Variants in ANKS1A observed in about 807,000 individuals in gnomAD.
The protein encoded by ANKS1A is ankyrin repeat and sterile alpha motif domain containing 1A.
ANKS1A carries 55 observed loss-of-function variants against 120.3 expected under a neutral mutation model. The observed-to-expected ratio is 0.46, with a 90% CI of 0.37 to 0.57. The LOEUF is 0.57. Ranked by LOEUF, ANKS1A falls within the 20% of genes least tolerant of loss-of-function variation. The probability of loss-of-function intolerance (pLI) is 0.00; values close to 1 mark genes in which losing one functional copy is unlikely to be tolerated. For missense variants in ANKS1A, 1,123 were observed against 1,480.3 expected (o/e 0.76, Z 3.96); for synonymous variants, 590 against 604.7 (o/e 0.98, Z 0.36).
At chr6:35,024,860 A>G (rs1443529909) in intron 11 of ANKS1A, among the ~76,000 whole-genome samples, 2 of 152,190 alleles carry the variant, frequency 1.3e-5, no homozygotes, top group Non-Finnish European at 2.9e-5. Context: ...TAAAATAAGG[A>G]GATTTGCATT....
intron 1 of ANKS1A, among the ~76,000 whole-genome samples, chr6:34,923,058 A>G (rs983243860): frequency 2.0e-5 from 3 of 152,226 alleles, no homozygotes; most frequent in African/African-American, 7.2e-5. Context: ...AAAAGCCAGT[A>G]GGAGCTGAAG....
intron 11 of ANKS1A, among the ~76,000 whole-genome samples, chr6:35,032,676 T>C (rs1996913): frequency 0.13 from 19,175 of 152,218 alleles, 1,921 homozygotes; most frequent in East Asian, 0.61. Context: ...TTCTTCTTCT[T>C]GAGGGAGATA....
chr6:34,899,497 A>C (rs1767245053), intron 1 of ANKS1A, among the ~76,000 whole-genome samples: 1 of 152,166 alleles, frequency 6.6e-6, no homozygotes, highest in South Asian at 2.1e-4. Context: ...AAAAAAAAGT[A>C]ATTAAAAAAC....
At chr6:34,961,547 G>A (rs1770640572) in intron 1 of ANKS1A, among the ~76,000 whole-genome samples, 1 of 152,134 alleles carries the variant, frequency 6.6e-6, no homozygotes, top group Admixed American at 6.5e-5. Flanking sequence ...TGTTTTGAGG[G>A]AGTTTTAGTG....
chr6:34,960,532 C>A (rs1770580817), intron 1 of ANKS1A, among the ~76,000 whole-genome samples: 1 of 152,102 alleles, frequency 6.6e-6, no homozygotes, highest in South Asian at 2.1e-4. Flanking sequence ...TGTTTCTATT[C>A]ATCAAAACCT....
At chr6:34,993,965 G>GT (rs1251558523) in intron 9 of ANKS1A, among the ~76,000 whole-genome samples, 2 of 151,894 alleles carry the variant, frequency 1.3e-5, no homozygotes, top group African/African-American at 4.8e-5. Flanking sequence ...GGAGTTTTTT[G>GT]TTTTTTTGTT....
chr6:35,038,159 A>G (rs935804987), intron 11 of ANKS1A: 7 of 456,372 alleles, frequency 1.5e-5, no homozygotes, highest in African/African-American at 1.4e-4. Context: ...CCGCACCCCC[A>G]TCTTGTCCTA....
chr6:34,917,799 T>C (rs1182398124), intron 1 of ANKS1A, among the ~76,000 whole-genome samples: 1 of 152,196 alleles, frequency 6.6e-6, no homozygotes, highest in African/African-American at 2.4e-5. Flanking sequence ...CTTAGGGAAT[T>C]ATAGATGTTT....
At chr6:34,925,442 T>C (rs1768662537) in intron 1 of ANKS1A, among the ~76,000 whole-genome samples, 1 of 152,184 alleles carries the variant, frequency 6.6e-6, no homozygotes. Flanking sequence ...GCAAAGGCCT[T>C]CAATGCTCTG....
intron 3 of ANKS1A, among the ~76,000 whole-genome samples, chr6:34,974,029 C>CT (rs1771362339): frequency 1.4e-5 from 1 of 70,048 alleles, no homozygotes; most frequent in Non-Finnish European, 2.8e-5. Flanking sequence ...CTTTCCCTTC[C>CT]CTTCCCCTTC....
rs367748960 is a variant in ANKS1A at position 35,081,026 on chromosome 6, A to G, written c.2577A>G (p.Pro859=). 1 of 1,613,898 alleles carries G rather than the reference A, an allele frequency of 6.2e-7. No individual in the cohort carries two copies. The part of the protein sequence containing the change: ...CQDLLSQTSS[P]LSQNDSCTGR... ...ATTTGCTCTCCCAGACGTCATCCCC[A>G]CTGAGTCAGAATGATTCCTGCACTG... The change falls in exon 17 of 24, where the codon CCA becomes CCG. Residue 859 remains proline, a synonymous_variant. Transcript: ENST00000360359.
At chr6:35,047,437 G>A (rs191603503) in intron 11 of ANKS1A, among the ~76,000 whole-genome samples, 4 of 152,278 alleles carry the variant, frequency 2.6e-5, no homozygotes, top group East Asian at 1.9e-4. Context: ...GAACCAGACC[G>A]AGAGACAGTT....
intron 7 of ANKS1A, among the ~76,000 whole-genome samples, chr6:34,984,242 G>GAC (rs1286206828): frequency 7.2e-5 from 11 of 152,296 alleles, no homozygotes; most frequent in African/African-American, 2.6e-4. Context: ...GCATTTAGCA[G>GAC]CCTTTTGGGT....
intron 1 of ANKS1A, among the ~76,000 whole-genome samples, chr6:34,923,097 G>C (rs1299990854): frequency 6.6e-6 from 1 of 152,216 alleles, no homozygotes; most frequent in Non-Finnish European, 1.5e-5. Flanking sequence ...ACGATGCGTG[G>C]TGAGAGGAAA....
chr6:35,020,810 G>C (rs991418265), intron 11 of ANKS1A, among the ~76,000 whole-genome samples: 2 of 152,270 alleles, frequency 1.3e-5, no homozygotes, highest in Admixed American at 6.5e-5. Context: ...TGCAGATAAA[G>C]GTTGCAGGTG....
rs747382147 is a variant in ANKS1A, at chr6:34,981,790, A to G, written c.536A>G (p.Asn179Ser). The G allele has an allele frequency of 6.2e-7, 1 of 1,614,200 alleles. No individual in the cohort carries two copies. The highest frequency in any genetic ancestry group is 1.1e-5 in the South Asian group (1 of 91,080). The part of the protein sequence containing the change: ...LEELTDPTMR[N>S]NKFETPLDLA... ...GAGCTGACGGACCCCACCATGCGCAACAACAAATTCGAGACCCCTTTGGAC... is the reference window on the plus strand; with the variant it reads ...GAGCTGACGGACCCCACCATGCGCAGCAACAAATTCGAGACCCCTTTGGAC... The change falls in exon 4 of 24, where the codon AAC becomes AGC. Residue 179 changes from asparagine to serine, a missense_variant. Coordinates refer to ENST00000360359, the MANE Select transcript of ANKS1A (RefSeq NM_015245.3).
At chr6:35,051,960 G>A (rs1423471104) in intron 11 of ANKS1A, among the ~76,000 whole-genome samples, 2 of 152,270 alleles carry the variant, frequency 1.3e-5, no homozygotes, top group East Asian at 3.9e-4. Context: ...TTATGTACAT[G>A]ATATCTTTTA....
intron 1 of ANKS1A, among the ~76,000 whole-genome samples, chr6:34,963,640 T>C (rs1344552443): frequency 1.3e-5 from 2 of 152,240 alleles, no homozygotes; most frequent in Admixed American, 6.5e-5. Context: ...TACCCAGTAG[T>C]ACAATTGCTG....
chr6:34,989,201 A>C lies in ANKS1A; in HGVS notation c.1210-23A>C. 1.9e-6 allele frequency: 3 copies of C among 1,606,162 alleles called. No individual in the cohort carries two copies. The South Asian group carries it at 3.4e-5, about 18-fold the overall frequency. ...ATACTTAAAAAAGAGATCGCAAAAT[A>C]TTTATTTTTTTCTCTTCTGCAGAGG... On this transcript the variant is annotated intron_variant, in intron 8 of 23. Coordinates refer to ENST00000360359, the MANE Select transcript of ANKS1A (RefSeq NM_015245.3).
Sources: allele counts gnomAD v4.1 joint callset (sites outside exome capture counted in the v4.1 genomes callset), GRCh38; gene constraint gnomAD v4.1.1; transcripts MANE v1.5; gene names NCBI Gene and HGNC (gene_info 2026-07-23, HGNC 2026-07-21).